Variants in ATP2C2 observed in about 807,000 individuals in gnomAD.
ATP2C2 encodes ATPase secretory pathway Ca2+ transporting 2, also known as calcium-transporting ATPase type 2C member 2.
Under a neutral mutation model 110.8 loss-of-function variants are expected in ATP2C2, and 171 were observed. The observed-to-expected ratio is 1.54, with a 90% CI of 1.36 to 1.75. The LOEUF (loss-of-function observed/expected upper bound fraction) is 1.75, where lower values mean the gene tolerates loss of function less well. Among genes scored for constraint, ATP2C2 ranks in the 40% most tolerant of loss-of-function variants. ATP2C2 has a pLI of 0.00. For synonymous variants in ATP2C2, 804 were observed against 508.4 expected (o/e 1.58, Z -7.82); for missense variants, 1,963 against 1,235.0 (o/e 1.59, Z -8.84).
intron 1 of ATP2C2, among the ~76,000 whole-genome samples, chr16:84,386,647 C>A (rs1176000663): frequency 6.6e-6 from 1 of 152,222 alleles, no homozygotes; most frequent in Non-Finnish European, 1.5e-5. Flanking sequence ...CACACAGGTA[C>A]TACCTAGAAA....
rs1183791490 is a variant in ATP2C2 at position 84,456,081 on chromosome 16, A to G, written c.2147+1097A>G. ...CAATGTTCATCAAGGATATTGGTCTAAAATTCTCTTTTTTGGTTGTGTCTC... is the reference window on the plus strand; with the variant it reads ...CAATGTTCATCAAGGATATTGGTCTGAAATTCTCTTTTTTGGTTGTGTCTC... On this transcript the variant is annotated intron_variant, in intron 21 of 26. Transcript: ENST00000262429. Among the ~76,000 whole-genome samples the G allele has an allele frequency of 2.9e-5, 3 of 102,802 alleles. No homozygotes were observed. In the South Asian group the frequency reaches 1.2e-3, roughly 41 times the overall value. The allele number at this position is 102,802 out of a possible 152,430, so 67.4% of individuals were successfully genotyped here. A position where few individuals can be genotyped will look rare whatever the true frequency, so the allele number is the denominator to read the frequency against.
chr16:84,447,881 A>G (rs1029692797), intron 16 of ATP2C2, among the ~76,000 whole-genome samples: 1 of 129,212 alleles, frequency 7.7e-6, no homozygotes, highest in Non-Finnish European at 1.6e-5. Context: ...TGTTAATTAC[A>G]TATTAATAAC....
At chr16:84,415,879 T>G (rs1369435533) in intron 7 of ATP2C2, among the ~76,000 whole-genome samples, 2 of 152,212 alleles carry the variant, frequency 1.3e-5, no homozygotes, top group Non-Finnish European at 2.9e-5. Context: ...CAAGGTGGGC[T>G]TGGGGAATGA....
intron 18 of ATP2C2, among the ~76,000 whole-genome samples, chr16:84,452,855 G>A (rs1041929215): frequency 2.6e-5 from 4 of 152,088 alleles, no homozygotes; most frequent in Admixed American, 6.5e-5. Context: ...AGGTTCACGG[G>A]CTTTGGAATC....
In ATP2C2 at chr16:84,463,655, T is replaced by C; in HGVS notation, c.2764T>C (p.Leu922=). The C allele has an allele frequency of 6.2e-7, 1 of 1,614,232 alleles. No individual in the cohort carries two copies. The highest frequency in any genetic ancestry group is 1.1e-5 in the South Asian group (1 of 91,086). ...TGGATTGGCCTCATCCGTCTTCATTTTGTCAGAGCTCCTCAAACTATGTGA... is the reference window on the plus strand; with the variant it reads ...TGGATTGGCCTCATCCGTCTTCATTCTGTCAGAGCTCCTCAAACTATGTGA... The part of the protein sequence containing the change: ...LTGLASSVFI[L]SELLKLCEKY... The change falls in exon 27 of 27, where the codon TTG becomes CTG. Residue 922 remains leucine (L), a synonymous_variant. Transcript: ENST00000262429.
chr16:84,400,478 C>T (rs927606643), intron 2 of ATP2C2, among the ~76,000 whole-genome samples: 1 of 152,076 alleles, frequency 6.6e-6, no homozygotes, highest in African/African-American at 2.4e-5. Context: ...AGGCGCCTGC[C>T]ACCATGCCTG....
intron 1 of ATP2C2, among the ~76,000 whole-genome samples, chr16:84,372,247 C>G (rs1244522468): frequency 6.6e-6 from 1 of 152,182 alleles, no homozygotes; most frequent in African/African-American, 2.4e-5. Context: ...TGTGATAAAA[C>G]AGGCACAGTC....
chr16:84,443,378 C>T (rs11149657), intron 15 of ATP2C2, among the ~76,000 whole-genome samples: 2 of 152,002 alleles, frequency 1.3e-5, no homozygotes, highest in African/African-American at 4.8e-5. Flanking sequence ...CTCCTTTCCC[C>T]GACCCGCTCC....
intron 2 of ATP2C2, among the ~76,000 whole-genome samples, chr16:84,402,755 T>C (rs1183081153): frequency 6.6e-6 from 1 of 152,218 alleles, no homozygotes; most frequent in African/African-American, 2.4e-5. Context: ...GTAGTTTTCT[T>C]TTTTAAATGT....
intron 6 of ATP2C2, 62 bp downstream of exon 6, chr16:84,410,827 T>G (rs1469910044): frequency 1.3e-6 from 2 of 1,515,114 alleles, no homozygotes; most frequent in Non-Finnish European, 9.2e-7. Context: ...CTGGAGAGTT[T>G]GGCAAATGTT....
chr16:84,414,241 G>A (rs145570820), intron 6 of ATP2C2, among the ~76,000 whole-genome samples: 15 of 152,272 alleles, frequency 9.9e-5, no homozygotes, highest in African/African-American at 1.4e-4. Context: ...TTGCACAAAC[G>A]CCAAGAAAAG....
intron 24 of ATP2C2, 109 bp downstream of exon 24, chr16:84,460,910 T>C (rs1454262138): frequency 2.1e-6 from 3 of 1,398,330 alleles, no homozygotes; most frequent in African/African-American, 2.9e-5. Context: ...GAGGCAAACA[T>C]GTACACACAC....
chr16:84,455,150 C>G (rs1195260315), intron 21 of ATP2C2, among the ~76,000 whole-genome samples, 166 bp downstream of exon 21: 1 of 151,988 alleles, frequency 6.6e-6, no homozygotes, highest in East Asian at 1.9e-4. Context: ...ACCCCAAGTA[C>G]CAACAGCCTC....
At chr16:84,374,346 T>C (rs1910133153) in intron 1 of ATP2C2, among the ~76,000 whole-genome samples, 1 of 152,242 alleles carries the variant, frequency 6.6e-6, no homozygotes, top group Non-Finnish European at 1.5e-5. Context: ...CTACAGTGTG[T>C]GCTGTGATGG....
At chr16:84,454,324 C>T (rs1052338924) in intron 20 of ATP2C2, among the ~76,000 whole-genome samples, 1 of 152,142 alleles carries the variant, frequency 6.6e-6, no homozygotes. Flanking sequence ...AGAAAATGTG[C>T]TTGGTTTTCT....
intron 17 of ATP2C2, among the ~76,000 whole-genome samples, chr16:84,451,690 T>C (rs950320780): frequency 6.6e-6 from 1 of 151,982 alleles, no homozygotes; most frequent in Non-Finnish European, 1.5e-5. Flanking sequence ...ATACAAAAAT[T>C]AGCTGGGCCT....
chr16:84,401,845 TG>T lies in ATP2C2; in HGVS notation c.210+3237del, dbSNP rs1478560606. Among the ~76,000 whole-genome samples, 7 of 152,320 alleles carry T rather than the reference TG, an allele frequency of 4.6e-5. No homozygotes were observed. In the Middle Eastern group the frequency reaches 0.01, roughly 222 times the overall value. Reference sequence around the variant, plus strand: ...TGTGGTTCCATATAAATTTTTAAATTGTTTTTTCTATTTCTGTTAAGAATGT... The same window carrying T: ...TGTGGTTCCATATAAATTTTTAAATTTTTTTTCTATTTCTGTTAAGAATGT... On this transcript the variant is annotated intron_variant, in intron 2 of 26. Coordinates refer to ENST00000262429, the MANE Select transcript of ATP2C2 (RefSeq NM_014861.4).
At chr16:84,416,761 G>A (rs1237141088) in intron 7 of ATP2C2, among the ~76,000 whole-genome samples, 3 of 152,108 alleles carry the variant, frequency 2.0e-5, no homozygotes, top group Admixed American at 6.5e-5. Flanking sequence ...TGTGGCCCCC[G>A]CCTCTCCCCG....
intron 1 of ATP2C2, among the ~76,000 whole-genome samples, chr16:84,385,974 T>G (rs1165428993): frequency 3.3e-5 from 5 of 152,260 alleles, no homozygotes; most frequent in Non-Finnish European, 7.3e-5. Flanking sequence ...CAATATTTAT[T>G]TTGATGCTTC....
Sources: gnomAD v4.1 joint callset for allele counts (sites outside exome capture counted in the v4.1 genomes callset) on GRCh38, gnomAD v4.1.1 for gene constraint, MANE v1.5 for transcripts, NCBI Gene and HGNC (gene_info 2026-07-23, HGNC 2026-07-21) for gene names.